ECH1: variants seen among roughly 807,000 people sequenced by gnomAD.
ECH1 encodes the protein enoyl-CoA hydratase 1.
Under a neutral mutation model 37.0 loss-of-function variants are expected in ECH1, and 30 were observed. The observed-to-expected ratio is 0.81, with a 90% CI of 0.61 to 1.10. ECH1 has a LOEUF of 1.10. Ranked by LOEUF, ECH1 falls within the 50% of genes least tolerant of loss-of-function variation. The probability of loss-of-function intolerance (pLI) is 0.00; values close to 1 mark genes in which losing one functional copy is unlikely to be tolerated. For missense variants in ECH1, 456 were observed against 441.6 expected (o/e 1.03, Z -0.29); for synonymous variants, 178 against 176.0 (o/e 1.01, Z -0.09).
chr19:38,816,836 C>A (rs1166232966), intron 6 of ECH1: 2 of 638,478 alleles, frequency 3.1e-6, no homozygotes. Context: ...TGCCTCCCAC[C>A]CTCACCAGTA....
intron 3 of ECH1, among the ~76,000 whole-genome samples, chr19:38,826,670 C>T (rs1386582257): frequency 2.0e-5 from 3 of 152,222 alleles, no homozygotes; most frequent in Non-Finnish European, 4.4e-5. Context: ...CCCCTACACT[C>T]TGACTCCCAG....
chr19:38,819,745 A>C (rs1410681076), intron 3 of ECH1, among the ~76,000 whole-genome samples: 1 of 152,068 alleles, frequency 6.6e-6, no homozygotes, highest in African/African-American at 2.4e-5. Flanking sequence ...TAAGATTTTG[A>C]GAACAGCCTG....
intron 3 of ECH1, among the ~76,000 whole-genome samples, chr19:38,824,278 C>A (rs1238372307): frequency 6.6e-6 from 1 of 152,190 alleles, no homozygotes; most frequent in African/African-American, 2.4e-5. Flanking sequence ...CTAAATCCGA[C>A]CTTCCTTGGT....
intron 3 of ECH1, chr19:38,818,221 A>G (rs1971607261): frequency 1.0e-6 from 1 of 985,340 alleles, no homozygotes; most frequent in Non-Finnish European, 1.2e-6. Context: ...TTTCCCCAAG[A>G]TGCCAGACAG....
At chr19:38,816,128 C>G in intron 8 of ECH1, 121 bp from the exon 9 acceptor site, 1 of 1,489,164 alleles carries the variant, frequency 6.7e-7, no homozygotes, top group East Asian at 2.4e-5. Context: ...ACAGCCCAAT[C>G]AGAGCAGGGG....
At chr19:38,820,053 CTT>C (rs1168608450) in intron 3 of ECH1, 2,187 of 138,824 alleles carry the variant, frequency 0.016, no homozygotes, top group Middle Eastern at 0.039. Context: ...GTCCCCCTTA[CTT>C]TTTTTTTTTT....
At position 38,815,695 on chromosome 19, in the gene ECH1, A is replaced by C; in HGVS notation, c.905T>G (p.Leu302Arg). 2 of 1,614,186 alleles carry C rather than the reference A, an allele frequency of 1.2e-6. No homozygotes were observed. The highest frequency in any genetic ancestry group is 1.7e-6 in the Non-Finnish European group (2 of 1,180,034). The change falls in exon 10 of 10, where the codon CTG becomes CGG. Residue 302 changes from leucine (L) to arginine (R), a missense_variant. Leu to Arg is a moderately radical substitution (Grantham distance 102, BLOSUM62 -2). Coordinates refer to ENST00000221418, the MANE Select transcript of ECH1 (RefSeq NM_001398.3). Reference sequence around the variant, plus strand: ...CGACTTCACGAGGTCTTGGGTCTGCAGCATGCTCATGTTCCAGGACGCCTG... The same window carrying C: ...CGACTTCACGAGGTCTTGGGTCTGCCGCATGCTCATGTTCCAGGACGCCTG... Reference protein sequence around the residue: ...NYVASWNMSMLQTQDLVKSVQ... With the variant: ...NYVASWNMSMRQTQDLVKSVQ...
intron 6 of ECH1, 93 bp from the exon 7 acceptor site, chr19:38,816,616 T>C (rs1971581345): frequency 7.0e-7 from 1 of 1,429,426 alleles, no homozygotes; most frequent in Non-Finnish European, 9.7e-7. Context: ...TACTGGAGAG[T>C]CCCGCCCCAC....
intron 3 of ECH1, chr19:38,820,053 C>CATT: frequency 5.1e-5 from 7 of 138,060 alleles, no homozygotes; most frequent in Non-Finnish European, 7.0e-5. Flanking sequence ...GTCCCCCTTA[C>CATT]TTTTTTTTTT....
chr19:38,831,591 A>C, intron 1 of ECH1, 75 bp from the exon 2 acceptor site: 1 of 1,557,240 alleles, frequency 6.4e-7, no homozygotes, highest in Non-Finnish European at 8.8e-7. Context: ...AGTCCTTCAA[A>C]AGGGAGCACA....
At chr19:38,816,188 G>C (rs528510594) in intron 8 of ECH1, 96 bp downstream of exon 8, 1 of 1,520,210 alleles carries the variant, frequency 6.6e-7, no homozygotes, top group East Asian at 2.3e-5. Flanking sequence ...ATGCCACTAG[G>C]AATTCTAGAG....
intron 3 of ECH1, among the ~76,000 whole-genome samples, chr19:38,825,278 C>T (rs1030023992): frequency 2.6e-5 from 4 of 152,080 alleles, no homozygotes; most frequent in African/African-American, 9.7e-5. Flanking sequence ...GGACTGGAGT[C>T]GTAAACATCT....
At chr19:38,821,203 G>A (rs1971656610) in intron 3 of ECH1, among the ~76,000 whole-genome samples, 1 of 151,954 alleles carries the variant, frequency 6.6e-6, no homozygotes, top group Non-Finnish European at 1.5e-5. Context: ...AGGGGAGGTG[G>A]TAGGGGCTGA....
At chr19:38,817,847 G>T (rs1313915602) in intron 3 of ECH1, 2 of 782,590 alleles carry the variant, frequency 2.6e-6, no homozygotes, top group African/African-American at 3.8e-5. Context: ...GGTAAACTAA[G>T]GCACAGAGAG....
At chr19:38,824,265 C>G (rs1971706624) in intron 3 of ECH1, among the ~76,000 whole-genome samples, 1 of 152,188 alleles carries the variant, frequency 6.6e-6, no homozygotes, top group Admixed American at 6.5e-5. Flanking sequence ...TCGGTAAGGG[C>G]CACTAAATCC....
intron 3 of ECH1, among the ~76,000 whole-genome samples, chr19:38,828,216 G>C (rs997740851): frequency 6.6e-6 from 1 of 151,994 alleles, no homozygotes; most frequent in African/African-American, 2.4e-5. Context: ...AAAATACAAA[G>C]AAACAGGAAA....
Position 38,816,324 on chromosome 19 carries a change from T to C in ECH1, c.691A>G (p.Lys231Glu). ...LVNELAFTARKMMADEALGSG... is the reference protein window; with the variant it reads ...LVNELAFTAREMMADEALGSG... ...CCCAGGGCCTCGTCAGCCATCATCTTGCGGGCGGTGAAGGCCAGCTCGTTG... is the reference window on the plus strand; with the variant it reads ...CCCAGGGCCTCGTCAGCCATCATCTCGCGGGCGGTGAAGGCCAGCTCGTTG... Residue 231 changes from lysine (K) to glutamate (E), a missense_variant, in exon 8 of 10, where the codon AAG becomes GAG. By Grantham distance (56) the Lys-to-Glu change is moderately conservative. Coordinates refer to ENST00000221418, the MANE Select transcript of ECH1 (RefSeq NM_001398.3). 6.2e-7 allele frequency: 1 copy of C among 1,613,808 alleles called. No homozygotes were observed. The highest frequency in any genetic ancestry group is 8.5e-7 in the Non-Finnish European group (1 of 1,179,986).
Position 38,815,590 on chromosome 19 carries a change from T to TG in ECH1, c.*22dup, listed in dbSNP as rs754924961. ...GGCGGGACAAGGCCGGCCCCCTGGC[T>TG]GGGGCCTGGGACGCGAGGGCTCTCA... On this transcript the variant is annotated 3_prime_UTR_variant, in exon 10 of 10. Transcript: ENST00000221418. The TG allele has an allele frequency of 1.9e-6, 3 of 1,609,356 alleles. No individual in the cohort carries two copies. In the African/African-American group the frequency reaches 4.0e-5, roughly 21 times the overall value.
Position 38,816,369 on chromosome 19 carries a change from C to T in ECH1, c.660-14G>A, listed in dbSNP as rs753248550. On this transcript the variant is annotated splice_polypyrimidine_tract_variant and intron_variant, in intron 7 of 9. Transcript: ENST00000221418. ...TCGTTGACCAGGCTGCAAAGGCAAG[C>T]GTGCATCAGGAGGCGGCTGCCACCC... 3 of 1,613,920 alleles carry T rather than the reference C, an allele frequency of 1.9e-6. No homozygotes were observed. Among genetic ancestry groups the T allele is most frequent in the Non-Finnish European group, 2.5e-6 (3 of 1,179,966 alleles).
Sources: gnomAD v4.1 joint callset for allele counts (sites outside exome capture counted in the v4.1 genomes callset) on GRCh38, gnomAD v4.1.1 for gene constraint, MANE v1.5 for transcripts, NCBI Gene and HGNC (gene_info 2026-07-23, HGNC 2026-07-21) for gene names.